The following ADCY2 variants were observed in gnomAD, a reference collection of about 807,000 sequenced individuals.
ADCY2 encodes adenylate cyclase 2.
A neutral mutation model predicts 125.2 loss-of-function variants in ADCY2; 31 were observed. That is an observed-to-expected ratio of 0.25 (90% confidence interval 0.19 to 0.33). The LOEUF is 0.33. Ranked by LOEUF, ADCY2 falls within the 10% of genes least tolerant of loss-of-function variation. The pLI, the probability that ADCY2 is intolerant of heterozygous loss-of-function variation, is 1.00. For synonymous variants in ADCY2, 512 were observed against 548.4 expected (o/e 0.93, Z 0.93); for missense variants, 904 against 1,418.2 (o/e 0.64, Z 5.82).
rs541717577 is a variant in ADCY2 at position 7,642,509 on chromosome 5, C to T, written c.720+16193C>T. Among the ~76,000 whole-genome samples, 41 of 152,148 alleles carry T rather than the reference C, an allele frequency of 2.7e-4. No homozygotes were observed. The South Asian group carries it at 2.9e-3, about 11-fold the overall frequency. On this transcript the variant is annotated intron_variant, in intron 4 of 24. Coordinates refer to ENST00000338316, the MANE Select transcript of ADCY2 (RefSeq NM_020546.3). ...AATGTTATTATTTTCTATTGCTGTA[C>T]AGAAGCTCTTTAGTTTAATTAGGTC... is the stretch of plus-strand genomic sequence containing the variant.
chr5:7,775,043 G>A (rs1377324245), intron 18 of ADCY2, among the ~76,000 whole-genome samples: 1 of 152,072 alleles, frequency 6.6e-6, no homozygotes, highest in Non-Finnish European at 1.5e-5. Context: ...ATTTTGCTCT[G>A]TCACTCAGGC....
At chr5:7,517,663 C>G (rs1744298806) in intron 2 of ADCY2, among the ~76,000 whole-genome samples, 2 of 152,124 alleles carry the variant, frequency 1.3e-5, no homozygotes, top group African/African-American at 4.8e-5. Context: ...ATTAATTTTG[C>G]CATCTCATAA....
intron 2 of ADCY2, among the ~76,000 whole-genome samples, chr5:7,499,242 A>G (rs138069977): frequency 0.022 from 3,307 of 152,038 alleles, 143 homozygotes; most frequent in African/African-American, 0.076. Flanking sequence ...TCTTGACCTC[A>G]TGATCCACCC....
At chr5:7,744,468 C>T (rs760886517) in intron 15 of ADCY2, among the ~76,000 whole-genome samples, 23 of 152,138 alleles carry the variant, frequency 1.5e-4, no homozygotes, top group African/African-American at 3.4e-4. Context: ...AGAAAGCATA[C>T]GTTAAAATAT....
intron 19 of ADCY2, among the ~76,000 whole-genome samples, chr5:7,788,635 C>A (rs544286600): frequency 2.4e-3 from 365 of 152,274 alleles, no homozygotes; most frequent in African/African-American, 8.6e-3. Context: ...ATCGTTCTTT[C>A]AAATTTCAAA....
At chr5:7,545,387 T>G (rs1735116246) in intron 3 of ADCY2, among the ~76,000 whole-genome samples, 1 of 152,214 alleles carries the variant, frequency 6.6e-6, no homozygotes, top group Non-Finnish European at 1.5e-5. Flanking sequence ...TTAGAGAACC[T>G]GTTTCCTACT....
chr5:7,608,547 G>A (rs1737464273), intron 3 of ADCY2, among the ~76,000 whole-genome samples: 1 of 152,172 alleles, frequency 6.6e-6, no homozygotes, highest in East Asian at 1.9e-4. Flanking sequence ...CTCCCCTCCA[G>A]CCTGGGCAAC....
At position 7,513,106 on chromosome 5, in the gene ADCY2, C is replaced by CAGAGAG. The variant is rs1554015691; in HGVS notation, c.409-7613_409-7608dup. 5.1e-5 allele frequency among the ~76,000 whole-genome samples: 7 copies of CAGAGAG among 138,430 alleles called. No homozygotes were observed. The East Asian group carries it at 1.3e-3, about 25-fold the overall frequency. 90.8% of individuals were successfully genotyped at this position (138,430 alleles called of 152,430 possible). ...ACACACACACACACACACACACACACAGAGAGAGAGAGAGAGAGAGAGAGC... is the reference window on the plus strand; with the variant it reads ...ACACACACACACACACACACACACACAGAGAGAGAGAGAGAGAGAGAGAGAGAGAGC... On this transcript the variant is annotated intron_variant, in intron 2 of 24. Transcript: ENST00000338316.
At chr5:7,803,434 C>A (rs1423998111) in intron 21 of ADCY2, among the ~76,000 whole-genome samples, 1 of 152,220 alleles carries the variant, frequency 6.6e-6, no homozygotes, top group Non-Finnish European at 1.5e-5. Flanking sequence ...GCCCTGCCCT[C>A]CTGAGCGGGT....
intron 3 of ADCY2, among the ~76,000 whole-genome samples, chr5:7,597,684 G>T (rs1238383156): frequency 6.6e-6 from 1 of 152,200 alleles, no homozygotes; most frequent in African/African-American, 2.4e-5. Context: ...GGCTGAGGTG[G>T]GAGGATTACT....
chr5:7,656,032 G>A (rs186333030), intron 4 of ADCY2, among the ~76,000 whole-genome samples: 16 of 151,652 alleles, frequency 1.1e-4, no homozygotes, highest in Middle Eastern at 3.4e-3. Context: ...TCAAACATGA[G>A]CTGTTAGGTT....
intron 19 of ADCY2, among the ~76,000 whole-genome samples, chr5:7,787,986 G>A (rs13172015): frequency 0.31 from 46,621 of 151,690 alleles, 8,185 homozygotes; most frequent in Non-Finnish European, 0.4. Flanking sequence ...TCTTCTCAAT[G>A]CCCCCACCAC....
chr5:7,619,624 TC>T (rs948659145), intron 3 of ADCY2, among the ~76,000 whole-genome samples: 1 of 152,214 alleles, frequency 6.6e-6, no homozygotes, highest in Non-Finnish European at 1.5e-5. Flanking sequence ...ACTTGTTTCA[TC>T]TTCTCTTTTC....
At chr5:7,751,971 C>A (rs1464770920) in intron 15 of ADCY2, among the ~76,000 whole-genome samples, 2 of 152,126 alleles carry the variant, frequency 1.3e-5, no homozygotes, top group Admixed American at 1.3e-4. Flanking sequence ...TACCATTTAA[C>A]AAACACTATA....
At chr5:7,594,158 G>A (rs1225981366) in intron 3 of ADCY2, among the ~76,000 whole-genome samples, 4 of 152,194 alleles carry the variant, frequency 2.6e-5, no homozygotes, top group African/African-American at 4.8e-5. Flanking sequence ...TTACAGTGCC[G>A]AGATGAGACA....
At chr5:7,693,015 A>G (rs1192322123) in intron 5 of ADCY2, among the ~76,000 whole-genome samples, 3 of 151,988 alleles carry the variant, frequency 2.0e-5, no homozygotes, top group Non-Finnish European at 4.4e-5. Context: ...TCCTCTACAC[A>G]CTTGTTTTGA....
At chr5:7,663,087 G>C (rs1165949973) in intron 4 of ADCY2, among the ~76,000 whole-genome samples, 2 of 152,228 alleles carry the variant, frequency 1.3e-5, no homozygotes, top group East Asian at 3.8e-4. Flanking sequence ...CAGCAGTCCA[G>C]ATCAACGAAT....
At chr5:7,472,674 C>G (rs1188754863) in intron 2 of ADCY2, among the ~76,000 whole-genome samples, 1 of 152,132 alleles carries the variant, frequency 6.6e-6, no homozygotes, top group Non-Finnish European at 1.5e-5. Context: ...TAGCATACCT[C>G]TCCTTTAGCT....
intron 22 of ADCY2, among the ~76,000 whole-genome samples, chr5:7,814,113 T>A (rs2126534640): frequency 6.6e-6 from 1 of 152,318 alleles, no homozygotes; most frequent in South Asian, 2.1e-4. Context: ...TAGCTGACGG[T>A]CAACTTTGTA....
Sources: gnomAD v4.1 joint callset for allele counts (sites outside exome capture counted in the v4.1 genomes callset) on GRCh38, gnomAD v4.1.1 for gene constraint, MANE v1.5 for transcripts, NCBI Gene and HGNC (gene_info 2026-07-23, HGNC 2026-07-21) for gene names.